Variants in COLEC11 observed in about 807,000 individuals in gnomAD.
COLEC11 encodes collectin subfamily member 11, also known as collectin-11.
COLEC11 carries 20 observed loss-of-function variants against 27.3 expected under a neutral mutation model. The observed-to-expected ratio is 0.73, with a 90% CI of 0.51 to 1.06. The LOEUF is 1.06. COLEC11 is among the 50% of genes least tolerant of loss of function. COLEC11 has a pLI of 0.00. For missense variants in COLEC11, 310 were observed against 383.0 expected, an observed-to-expected ratio of 0.81 and a Z score of 1.59; for synonymous variants, 163 against 154.7, an observed-to-expected ratio of 1.05 and a Z score of -0.40.
chr2:3,616,002 C>T (rs917471560), intron 3 of COLEC11, among the ~76,000 whole-genome samples: 30 of 150,058 alleles, frequency 2.0e-4, no homozygotes, highest in East Asian at 1.0e-3. Context: ...ACTTCTCAGA[C>T]GGGGCGGCTG....
intron 3 of COLEC11, chr2:3,626,172 C>A: frequency 3.4e-6 from 4 of 1,167,602 alleles, no homozygotes; most frequent in Non-Finnish European, 5.2e-6. Context: ...CTTCCCATGG[C>A]CACATGGCTT....
chr2:3,643,938 C>T lies in COLEC11; in HGVS notation c.636C>T (p.Gly212=), dbSNP rs141570591. 8.0e-5 allele frequency: 129 copies of T among 1,614,160 alleles called. No individual in the cohort carries two copies. The highest frequency in any genetic ancestry group is 6.4e-4 in the African/African-American group (48 of 75,070). The part of the protein sequence containing the change: ...FIGINDLEKE[G]AFVYSDHSPM... ...GCATCAACGACCTGGAGAAGGAGGG[C>T]GCCTTCGTGTACTCTGACCACTCCC... Residue 212 remains glycine, a synonymous_variant, in exon 7 of 7, where the codon GGC becomes GGT. Coordinates refer to ENST00000349077, the MANE Select transcript of COLEC11 (RefSeq NM_024027.5).
intron 2 of COLEC11, among the ~76,000 whole-genome samples, chr2:3,612,650 G>A (rs1389207645): frequency 2.0e-5 from 3 of 152,128 alleles, no homozygotes; most frequent in Non-Finnish European, 4.4e-5. Context: ...GGAGGTGTTG[G>A]TGTCCACAGG....
chr2:3,641,523 A>C, intron 5 of COLEC11: 1 of 945,056 alleles, frequency 1.1e-6, no homozygotes, highest in South Asian at 1.7e-5. Flanking sequence ...TTGGAGGTTA[A>C]ATGAGGAAAG....
intron 1 of COLEC11, among the ~76,000 whole-genome samples, chr2:3,596,816 G>A (rs559304024): frequency 1.0e-3 from 157 of 152,282 alleles, no homozygotes; most frequent in African/African-American, 3.4e-3. Flanking sequence ...TGGCTTCTCC[G>A]TTTACAAAAT....
chr2:3,603,498 G>T lies in COLEC11; in HGVS notation c.-26-817G>T, dbSNP rs921755284. ...CACCCAGCTAATTTTTGTATTTTTA[G>T]AAGACATGCGGTTTCACCATGTTGT... is the stretch of plus-strand genomic sequence containing the variant. On this transcript the variant is annotated intron_variant, in intron 1 of 6. Transcript: ENST00000349077. 1.7e-5 allele frequency: 12 copies of T among 692,434 alleles called. No individual in the cohort carries two copies. The Admixed American group carries it at 2.4e-4, about 14-fold the overall frequency. The allele number at this position is 692,434 out of a possible 1,614,324, so 42.9% of individuals were successfully genotyped here.
At chr2:3,633,612 G>C (rs1340179763) in intron 3 of COLEC11, among the ~76,000 whole-genome samples, 1 of 152,196 alleles carries the variant, frequency 6.6e-6, no homozygotes, top group African/African-American at 2.4e-5. Context: ...CGAGGGGACA[G>C]AGCGGGGACC....
chr2:3,631,747 G>A (rs988036518), intron 3 of COLEC11, among the ~76,000 whole-genome samples: 1 of 152,054 alleles, frequency 6.6e-6, no homozygotes, highest in African/African-American at 2.4e-5. Context: ...CTGCTCGGAG[G>A]GGGCTCTGCT....
Position 3,604,473 on chromosome 2 carries a change from A to G in COLEC11, c.130+3A>G, listed in dbSNP as rs1425885481. On this transcript the variant is annotated splice_donor_region_variant and intron_variant, in intron 2 of 6. Coordinates refer to ENST00000349077, the MANE Select transcript of COLEC11 (RefSeq NM_024027.5). ...GATCCTCGTCCCTGGCCTCAAAGGTAACCGCTCCCTGGACTCTGGGCTGCT... is the reference window on the plus strand; with the variant it reads ...GATCCTCGTCCCTGGCCTCAAAGGTGACCGCTCCCTGGACTCTGGGCTGCT... The G allele has an allele frequency of 1.2e-6, 2 of 1,613,968 alleles. No individual in the cohort carries two copies. Among genetic ancestry groups the G allele is most frequent in the South Asian group, 2.2e-5 (2 of 91,076 alleles).
At chr2:3,603,123 T>G (rs1662358255) in intron 1 of COLEC11, among the ~76,000 whole-genome samples, 1 of 152,172 alleles carries the variant, frequency 6.6e-6, no homozygotes, top group African/African-American at 2.4e-5. Flanking sequence ...TCCTGTGGCT[T>G]CCATGCTCTG....
At chr2:3,606,185 C>T in intron 2 of COLEC11, 3 of 1,550,518 alleles carry the variant, frequency 1.9e-6, no homozygotes, top group Non-Finnish European at 2.6e-6. Flanking sequence ...GGTCACGTCC[C>T]TGCCCAATGT....
At chr2:3,605,140 G>C (rs1558487706) in intron 2 of COLEC11, 2 of 465,004 alleles carry the variant, frequency 4.3e-6, no homozygotes, top group Non-Finnish European at 8.9e-6. Context: ...CCCCAAGCCT[G>C]GGGGAGCCCG....
chr2:3,643,643 G>C, intron 6 of COLEC11, 84 bp from the exon 7 acceptor site: 1 of 1,606,418 alleles, frequency 6.2e-7, no homozygotes, highest in Non-Finnish European at 8.5e-7. Context: ...TGCCTGCCCT[G>C]CCGGCCCCTG....
At chr2:3,640,434 AC>A (rs1180813001) in intron 5 of COLEC11, 103 bp downstream of exon 5, 13 of 722,334 alleles carry the variant, frequency 1.8e-5, no homozygotes, top group Admixed American at 2.0e-5. Context: ...GTGGACACCC[AC>A]CCCTGTCACA....
chr2:3,596,337 ATTT>A (rs369478323), intron 1 of COLEC11, among the ~76,000 whole-genome samples: 1 of 132,764 alleles, frequency 7.5e-6, no homozygotes. Context: ...TGTCTATTTC[ATTT>A]TTTTTTTTTT....
intron 3 of COLEC11, among the ~76,000 whole-genome samples, chr2:3,625,409 C>G (rs1664474792): frequency 6.6e-6 from 1 of 152,008 alleles, no homozygotes. Flanking sequence ...GCCATGGACC[C>G]AGCCCAGGGC....
At chr2:3,639,566 C>T (rs1558519207) in intron 4 of COLEC11, among the ~76,000 whole-genome samples, 3 of 152,220 alleles carry the variant, frequency 2.0e-5, no homozygotes, top group Admixed American at 2.0e-4. Flanking sequence ...TTTGGGGCCT[C>T]TCTGTGAGAA....
chr2:3,643,318 C>T (rs984560997), intron 5 of COLEC11, 126 bp from the exon 6 acceptor site: 210 of 776,876 alleles, frequency 2.7e-4, no homozygotes, highest in Non-Finnish European at 1.9e-4. Flanking sequence ...ATGGTTATTG[C>T]GGCCTCAAAG....
intron 1 of COLEC11, among the ~76,000 whole-genome samples, chr2:3,597,509 C>T (rs1661932395): frequency 6.6e-6 from 1 of 152,218 alleles, no homozygotes; most frequent in African/African-American, 2.4e-5. Context: ...GCTCACTACT[C>T]ACCCCTTTTC....
Sources: allele counts gnomAD v4.1 joint callset (sites outside exome capture counted in the v4.1 genomes callset), GRCh38; gene constraint gnomAD v4.1.1; transcripts MANE v1.5; gene names NCBI Gene and HGNC (gene_info 2026-07-23, HGNC 2026-07-21).